The following WDR26 variants were observed in gnomAD, a reference collection of about 807,000 sequenced individuals.
WDR26 encodes WD repeat domain 26, also known as WD repeat-containing protein 26.
In WDR26, 5 loss-of-function variants were observed where a neutral mutation model predicts 84.1. That is an observed-to-expected ratio of 0.06 (90% CI 0.03 to 0.13). The LOEUF (loss-of-function observed/expected upper bound fraction) is 0.13, where lower values mean the gene tolerates loss of function less well. Ranked by LOEUF, WDR26 falls within the 10% of genes least tolerant of loss-of-function variation. The pLI is 1.00. For missense variants in WDR26, 642 were observed against 974.9 expected, an observed-to-expected ratio of 0.66 and a Z score of 4.55; for synonymous variants, 415 against 389.6, an observed-to-expected ratio of 1.07 and a Z score of -0.77.
At chr1:224,401,671 C>CAAAAAAAAAAAAAAAAAAAAAAAA (rs767368281) in intron 8 of WDR26, among the ~76,000 whole-genome samples, 17 of 49,638 alleles carry the variant, frequency 3.4e-4, no homozygotes, top group African/African-American at 1.4e-3. Flanking sequence ...GAGACTGTCT[C>CAAAAAAAAAAAAAAAAAAAAAAAA]AAAAAAAAAA....
chr1:224,389,699 G>T lies in WDR26; in HGVS notation c.*136C>A. On this transcript the variant is annotated 3_prime_UTR_variant, in exon 14 of 14. Transcript: ENST00000414423. ...AGGTGTAAATGTTTGGCCCCAATCG[G>T]GCTTCAGAAATGGTTCTTTTTTCAT... The T allele has an allele frequency of 2.2e-6, 2 of 903,946 alleles. No homozygotes were observed. Among genetic ancestry groups the T allele is most frequent in the Non-Finnish European group, 3.6e-6 (2 of 562,792 alleles). 56.0% of individuals were successfully genotyped at this position (903,946 alleles called of 1,614,324 possible).
Position 224,385,256 on chromosome 1 carries a change from C to T in WDR26, c.*4579G>A, listed in dbSNP as rs1672955919. On this transcript the variant is annotated 3_prime_UTR_variant, in exon 14 of 14. Transcript: ENST00000414423. ...TCTTTAAAAAAAAATCCCAGTAAAGCAAATCAAAGTTAATGTAGTTTCAGT... is the reference window on the plus strand; with the variant it reads ...TCTTTAAAAAAAAATCCCAGTAAAGTAAATCAAAGTTAATGTAGTTTCAGT... 1 of 152,022 alleles carries T rather than the reference C, an allele frequency of 6.6e-6. No homozygotes were observed. The highest frequency in any genetic ancestry group is 1.5e-5 in the Non-Finnish European group (1 of 67,988). 9.4% of individuals were successfully genotyped at this position (152,022 alleles called of 1,614,324 possible). A position where few individuals can be genotyped will look rare whatever the true frequency, so the allele number is the denominator to read the frequency against.
chr1:224,385,172 T>C lies in WDR26; in HGVS notation c.*4663A>G, dbSNP rs148937768. On this transcript the variant is annotated 3_prime_UTR_variant, in exon 14 of 14. Coordinates refer to ENST00000414423, the MANE Select transcript of WDR26 (RefSeq NM_001379403.1). ...TTAGGTATTCATTCTGTTTATTGGA[T>C]TGAAAGAAAGGGAATACAAACGACT... The C allele has an allele frequency of 1.3e-5, 2 of 152,214 alleles. No individual in the cohort carries two copies. Among genetic ancestry groups the C allele is most frequent in the African/African-American group, 2.4e-5 (1 of 41,542 alleles). The allele number at this position is 152,214 out of a possible 1,614,324, so 9.4% of individuals were successfully genotyped here. A position where few individuals can be genotyped will look rare whatever the true frequency, so the allele number is the denominator to read the frequency against.
intron 11 of WDR26, 54 bp from the exon 12 acceptor site, chr1:224,398,280 T>A (rs767372877): frequency 6.4e-6 from 10 of 1,573,754 alleles, no homozygotes; most frequent in Non-Finnish European, 7.7e-6. Flanking sequence ...AAACAAATTT[T>A]AAAAAGTATC....
chr1:224,420,509 T>C (rs2102915016), intron 4 of WDR26, among the ~76,000 whole-genome samples: 1 of 152,350 alleles, frequency 6.6e-6, no homozygotes, highest in South Asian at 2.1e-4. Flanking sequence ...TTCTTGAAGA[T>C]GAAGCATTTT....
chr1:224,414,883 T>C (rs933127295), intron 6 of WDR26, among the ~76,000 whole-genome samples: 3 of 152,130 alleles, frequency 2.0e-5, no homozygotes, highest in Admixed American at 1.3e-4. Context: ...TTTTTGAAAT[T>C]AGCTGTGTGG....
rs1290212182 is a variant in WDR26 at position 224,389,075 on chromosome 1, T to C, written c.*760A>G. Reference sequence around the variant, plus strand: ...TCAGTTATACTGTGTATCTAAGTCATTGAGGAAACTGTTTTTAAGCTGGTT... The same window carrying C: ...TCAGTTATACTGTGTATCTAAGTCACTGAGGAAACTGTTTTTAAGCTGGTT... On this transcript the variant is annotated 3_prime_UTR_variant, in exon 14 of 14. Coordinates refer to ENST00000414423, the MANE Select transcript of WDR26 (RefSeq NM_001379403.1). 6.6e-6 allele frequency: 1 copy of C among 152,650 alleles called. No individual in the cohort carries two copies. Among genetic ancestry groups the C allele is most frequent in the Non-Finnish European group, 1.5e-5 (1 of 68,052 alleles). 9.5% of individuals were successfully genotyped at this position (152,650 alleles called of 1,614,324 possible). A position where few individuals can be genotyped will look rare whatever the true frequency, so the allele number is the denominator to read the frequency against.
chr1:224,391,491 TA>T (rs1245808416), intron 13 of WDR26, among the ~76,000 whole-genome samples: 4 of 152,204 alleles, frequency 2.6e-5, no homozygotes, highest in Non-Finnish European at 5.9e-5. Context: ...TATTTTTATT[TA>T]AATGACTTAT....
intron 13 of WDR26, among the ~76,000 whole-genome samples, chr1:224,392,790 C>A (rs1368528164): frequency 6.6e-6 from 1 of 151,972 alleles, no homozygotes; most frequent in Admixed American, 6.5e-5. Flanking sequence ...ACAGTCTGTA[C>A]CACAAAGATA....
At chr1:224,422,837 T>C (rs1674103636) in intron 4 of WDR26, among the ~76,000 whole-genome samples, 1 of 152,020 alleles carries the variant, frequency 6.6e-6, no homozygotes. Flanking sequence ...TTCAGAGAAA[T>C]GAAAATTTTA....
intron 7 of WDR26, among the ~76,000 whole-genome samples, chr1:224,409,513 G>C (rs1054320176): frequency 1.3e-5 from 2 of 152,110 alleles, no homozygotes; most frequent in Admixed American, 6.5e-5. Context: ...ATTGTTTGTA[G>C]CATACATAGG....
chr1:224,398,320 C>A, intron 11 of WDR26, 94 bp from the exon 12 acceptor site: 1 of 1,470,208 alleles, frequency 6.8e-7, no homozygotes, highest in South Asian at 1.4e-5. Context: ...GATGAAATAT[C>A]TTCATTTTCT....
In WDR26 at chr1:224,388,514, C is replaced by T. The variant is rs1318948156; in HGVS notation, c.*1321G>A. 6.6e-6 allele frequency: 1 copy of T among 152,584 alleles called. No individual in the cohort carries two copies. Among genetic ancestry groups the T allele is most frequent in the South Asian group, 2.1e-4 (1 of 4,820 alleles). The allele number at this position is 152,584 out of a possible 1,614,324, so 9.5% of individuals were successfully genotyped here. ...TAAAAGTGCTTTTCCATGAAGGAAA[C>T]CTTTCCTTAAACTAAAACAGGAGGG... On this transcript the variant is annotated 3_prime_UTR_variant, in exon 14 of 14. Transcript: ENST00000414423.
intron 3 of WDR26, among the ~76,000 whole-genome samples, chr1:224,428,668 G>C (rs959890600): frequency 1.3e-5 from 2 of 151,860 alleles, no homozygotes; most frequent in Non-Finnish European, 2.9e-5. Flanking sequence ...AGGCTGAGGC[G>C]GGTGGATCAC....
chr1:224,433,593 G>GGCCC, intron 1 of WDR26, 91 bp downstream of exon 1: 2 of 829,660 alleles, frequency 2.4e-6, no homozygotes, highest in Non-Finnish European at 3.6e-6. Flanking sequence ...GCTCTTTCAA[G>GGCCC]CCCCCCTCCC....
In WDR26 at chr1:224,417,586, G is replaced by A. The variant is rs144518739; in HGVS notation, c.1319+674C>T. On this transcript the variant is annotated intron_variant, in intron 6 of 13. Coordinates refer to ENST00000414423, the MANE Select transcript of WDR26 (RefSeq NM_001379403.1). ...AGGCATGGTAGTGCATGCCTATATAGTCCTAGCTACTCAGAAGGCTGAGGT... is the reference window on the plus strand; with the variant it reads ...AGGCATGGTAGTGCATGCCTATATAATCCTAGCTACTCAGAAGGCTGAGGT... Among the ~76,000 whole-genome samples the A allele has an allele frequency of 3.5e-3, 527 of 152,230 alleles. 1 individual carries two copies. The highest frequency in any genetic ancestry group is 0.01 in the African/African-American group (428 of 41,528).
chr1:224,415,278 A>T (rs889391047), intron 6 of WDR26, among the ~76,000 whole-genome samples: 31 of 152,124 alleles, frequency 2.0e-4, no homozygotes, highest in African/African-American at 6.3e-4. Context: ...GAGGGAAAGG[A>T]AGTTCTGTTT....
At chr1:224,414,790 G>A (rs1437987938) in intron 6 of WDR26, among the ~76,000 whole-genome samples, 1 of 150,558 alleles carries the variant, frequency 6.6e-6, no homozygotes, top group Non-Finnish European at 1.5e-5. Context: ...GATTGGCCTG[G>A]GCAACACAGT....
intron 4 of WDR26, among the ~76,000 whole-genome samples, chr1:224,421,720 A>T (rs928054898): frequency 6.6e-6 from 1 of 152,218 alleles, no homozygotes; most frequent in Non-Finnish European, 1.5e-5. Context: ...GCTTGAGCAC[A>T]GGAGTTCAAG....
Sources: gnomAD v4.1 joint callset for allele counts (sites outside exome capture counted in the v4.1 genomes callset) on GRCh38, gnomAD v4.1.1 for gene constraint, MANE v1.5 for transcripts, NCBI Gene and HGNC (gene_info 2026-07-23, HGNC 2026-07-21) for gene names.